CDH13: variants seen among roughly 807,000 people sequenced by gnomAD.
CDH13 encodes the protein cadherin-13.
In CDH13, 24 loss-of-function variants were observed where a neutral mutation model predicts 63.8. The ratio of observed to expected loss-of-function variants is 0.38; its 90% CI spans 0.27 to 0.53. The LOEUF is 0.53. CDH13 is among the 20% of genes least tolerant of loss of function. CDH13 has a pLI of 0.85. For synonymous variants in CDH13, 503 were observed against 355.3 expected (o/e 1.42, Z -4.67); for missense variants, 1,049 against 903.1 (o/e 1.16, Z -2.07).
chr16:83,318,627 C>T lies in CDH13; in HGVS notation c.637-26235C>T, dbSNP rs777076525. The stretch of plus-strand genomic sequence containing the variant: ...CGTTGATGCCTACTTAGTGGCAGTT[C>T]GTGGCTTTAATGAGTCTGTTACACA... On this transcript the variant is annotated intron_variant, in intron 5 of 13. Coordinates refer to ENST00000567109, the MANE Select transcript of CDH13 (RefSeq NM_001257.5). Among the ~76,000 whole-genome samples the T allele has an allele frequency of 3.3e-5, 5 of 152,274 alleles. No homozygotes were observed. The East Asian group carries it at 5.8e-4, about 18-fold the overall frequency.
At chr16:83,181,953 C>G (rs2038361757) in intron 4 of CDH13, among the ~76,000 whole-genome samples, 1 of 152,150 alleles carries the variant, frequency 6.6e-6, no homozygotes, top group African/African-American at 2.4e-5. Flanking sequence ...TAGAGCCCAT[C>G]TCTTCTATTA....
At chr16:83,055,773 A>G (rs2030864061) in intron 3 of CDH13, among the ~76,000 whole-genome samples, 1 of 152,144 alleles carries the variant, frequency 6.6e-6, no homozygotes, top group Non-Finnish European at 1.5e-5. Flanking sequence ...TCTTCTTTGC[A>G]ATAACTGACA....
intron 7 of CDH13, among the ~76,000 whole-genome samples, chr16:83,588,475 T>C (rs1421036654): frequency 6.6e-6 from 1 of 152,204 alleles, no homozygotes; most frequent in African/African-American, 2.4e-5. Flanking sequence ...CAACTTGTTT[T>C]CAAAGACTAT....
At chr16:82,973,293 C>A (rs909289968) in intron 2 of CDH13, among the ~76,000 whole-genome samples, 6 of 152,194 alleles carry the variant, frequency 3.9e-5, no homozygotes, top group African/African-American at 1.4e-4. Flanking sequence ...TCTTTGCCGT[C>A]CTTCTCCTTT....
chr16:83,019,363 C>G (rs949853615), intron 2 of CDH13, among the ~76,000 whole-genome samples: 1 of 152,112 alleles, frequency 6.6e-6, no homozygotes, highest in Non-Finnish European at 1.5e-5. Context: ...CTGTATTCTG[C>G]CTCCACATTT....
At chr16:83,080,732 T>TG (rs1269203113) in intron 3 of CDH13, among the ~76,000 whole-genome samples, 3 of 151,988 alleles carry the variant, frequency 2.0e-5, no homozygotes, top group African/African-American at 2.4e-5. Flanking sequence ...GAGGCGGCAA[T>TG]GGGGGGTGAC....
At chr16:83,155,983 G>A (rs773626267) in intron 4 of CDH13, among the ~76,000 whole-genome samples, 8 of 152,116 alleles carry the variant, frequency 5.3e-5, no homozygotes, top group Non-Finnish European at 8.8e-5. Flanking sequence ...TGAGCTCCCC[G>A]GGTGAGTCCA....
At chr16:82,961,109 C>G (rs1837092008) in intron 2 of CDH13, among the ~76,000 whole-genome samples, 1 of 152,202 alleles carries the variant, frequency 6.6e-6, no homozygotes. Context: ...CCCACACCCC[C>G]TGAGCTGGCG....
intron 3 of CDH13, among the ~76,000 whole-genome samples, chr16:83,080,996 C>T (rs988428900): frequency 1.3e-5 from 2 of 148,970 alleles, no homozygotes; most frequent in Non-Finnish European, 3.0e-5. Context: ...ATTCCCCTGC[C>T]TCAGCCTCCC....
rs374246297 is a variant in CDH13 at position 83,366,007 on chromosome 16, C to T, written c.781+21001C>T. Among the ~76,000 whole-genome samples the T allele has an allele frequency of 1.8e-3, 267 of 152,312 alleles. 3 individuals carry two copies. The highest frequency in any genetic ancestry group is 9.7e-4 in the East Asian group (5 of 5,176). ...TGAACCCCACGGAGGTCATACTTCT[C>T]ACCCACAGATACTGTTGTTGTTTTA... On this transcript the variant is annotated intron_variant, in intron 6 of 13. Transcript: ENST00000567109.
At chr16:83,132,230 C>G (rs61292009) in intron 4 of CDH13, among the ~76,000 whole-genome samples, 21,080 of 152,060 alleles carry the variant, frequency 0.14, 2,336 homozygotes, top group African/African-American at 0.3. Flanking sequence ...TCCATCACCC[C>G]TCTCCTGAAA....
intron 7 of CDH13, among the ~76,000 whole-genome samples, chr16:83,553,944 TTG>T (rs2075557002): frequency 6.6e-6 from 1 of 152,220 alleles, no homozygotes; most frequent in Non-Finnish European, 1.5e-5. Flanking sequence ...GTAGATAATT[TTG>T]TGTCTTTTAT....
At chr16:83,428,998 C>T (rs150721932) in intron 6 of CDH13, among the ~76,000 whole-genome samples, 1 of 152,342 alleles carries the variant, frequency 6.6e-6, no homozygotes, top group African/African-American at 2.4e-5. Flanking sequence ...CTTCTCTCAT[C>T]CGTTTCCTAG....
Position 82,821,592 on chromosome 16 carries a change from C to G in CDH13, c.46-36770C>G, listed in dbSNP as rs552993915. Among the ~76,000 whole-genome samples the G allele has an allele frequency of 5.6e-4, 86 of 152,310 alleles. 1 individual carries two copies. The Middle Eastern group carries it at 0.014, about 24-fold the overall frequency. ...GTGGCACAGACAGTCATGGAGCTTG[C>G]TGACTACAAGGGAAGAAAGACTTTA... On this transcript the variant is annotated intron_variant, in intron 1 of 13. Transcript: ENST00000567109.
chr16:82,941,037 G>A (rs971122779), intron 2 of CDH13, among the ~76,000 whole-genome samples: 2 of 152,066 alleles, frequency 1.3e-5, no homozygotes, highest in African/African-American at 4.8e-5. Flanking sequence ...AGCATATGAC[G>A]GGGAACTTCT....
chr16:82,940,378 T>G (rs1017965946), intron 2 of CDH13, among the ~76,000 whole-genome samples: 9 of 152,200 alleles, frequency 5.9e-5, no homozygotes, highest in Non-Finnish European at 1.0e-4. Context: ...CAGAATGAGC[T>G]AATAAACATC....
At chr16:83,076,519 T>G (rs2032850361) in intron 3 of CDH13, among the ~76,000 whole-genome samples, 2 of 152,184 alleles carry the variant, frequency 1.3e-5, no homozygotes, top group African/African-American at 2.4e-5. Context: ...TTGTGAACAT[T>G]TTCAAACATA....
At chr16:83,286,784 T>TTATATATATATACACACACACA (rs1567565140) in intron 5 of CDH13, among the ~76,000 whole-genome samples, 1 of 113,014 alleles carries the variant, frequency 8.8e-6, no homozygotes, top group African/African-American at 2.9e-5. Context: ...ATATATATAT[T>TTATATATATATACACACACACA]TATATATATA....
At chr16:82,676,907 C>T (rs956207841) in intron 1 of CDH13, among the ~76,000 whole-genome samples, 18 of 95,548 alleles carry the variant, frequency 1.9e-4, no homozygotes, top group South Asian at 1.3e-3. Context: ...TTTTTTTCAA[C>T]GGAGTCTCAC....
Sources: allele counts gnomAD v4.1 joint callset (sites outside exome capture counted in the v4.1 genomes callset), GRCh38; gene constraint gnomAD v4.1.1; transcripts MANE v1.5; gene names NCBI Gene and HGNC (gene_info 2026-07-23, HGNC 2026-07-21).